ADCY7: variants seen among roughly 807,000 people sequenced by gnomAD.
The protein encoded by ADCY7 is adenylate cyclase 7.
ADCY7 carries 72 observed loss-of-function variants against 120.6 expected under a neutral mutation model. That is an observed-to-expected ratio of 0.60 (90% CI 0.49 to 0.73). The LOEUF (loss-of-function observed/expected upper bound fraction) is 0.73. Ranked by LOEUF, ADCY7 falls within the 30% of genes least tolerant of loss-of-function variation. ADCY7 has a pLI of 0.00. For missense variants in ADCY7, 1,227 were observed against 1,486.0 expected (o/e 0.83, Z 2.87); for synonymous variants, 661 against 628.0 (o/e 1.05, Z -0.78).
chr16:50,310,835 G>T lies in ADCY7; in HGVS notation c.2309G>T (p.Cys770Phe), dbSNP rs759479763. ...TCCCCATGCTGGCAGTGGGACTGCT[G>T]CGGCCAAGGCCTGGGCAACCTCACC... is the stretch of plus-strand genomic sequence containing the variant. ...NLSPCWQWDC[C>F]GQGLGNLTKP... The change falls in exon 19 of 26, where the codon TGC becomes TTC. Residue 770 changes from cysteine (C) to phenylalanine (F), a missense_variant. By Grantham distance (205) the Cys-to-Phe change is radical. Coordinates refer to ENST00000673801, the MANE Select transcript of ADCY7 (RefSeq NM_001114.5). 4 of 1,613,216 alleles carry T rather than the reference G, an allele frequency of 2.5e-6. No homozygotes were observed. The highest frequency in any genetic ancestry group is 2.2e-5 in the South Asian group (2 of 90,924).
intron 22 of ADCY7, chr16:50,313,432 CAACA>C: frequency 1.8e-5 from 3 of 164,700 alleles, no homozygotes; most frequent in Non-Finnish European, 3.8e-5. Flanking sequence ...ACAACAACAA[CAACA>C]AAAAAAAAAC....
intron 19 of ADCY7, 57 bp from the exon 20 acceptor site, chr16:50,311,636 C>A: frequency 1.6e-6 from 2 of 1,253,412 alleles, no homozygotes; most frequent in Non-Finnish European, 2.3e-6. Flanking sequence ...GAGAGCATGA[C>A]TCAGTGGGTT....
chr16:50,311,037 T>G (rs2036425415), intron 19 of ADCY7, among the ~76,000 whole-genome samples, 157 bp downstream of exon 19: 1 of 152,202 alleles, frequency 6.6e-6, no homozygotes, highest in Admixed American at 6.5e-5. Context: ...AGGAATTCAC[T>G]GGCAGGTTCT....
rs1217751708 is a variant in ADCY7, at chr16:50,304,362, C to A, written c.1371C>A (p.Ser457Arg). ...IRTYLVIDPRSQQPPPPSQHL... is the reference protein window; with the variant it reads ...IRTYLVIDPRRQQPPPPSQHL... ...CCCATGTCCATGTCTGCCCGCAGAG[C>A]CAGCAGCCACCCCCGCCCAGCCAAC... The change falls in exon 11 of 26, where the codon AGC (serine) becomes AGA (arginine). Residue 457 changes from serine to arginine, a missense_variant and splice_region_variant. By Grantham distance (110) the Ser-to-Arg change is moderately radical (BLOSUM62 -1). Coordinates refer to ENST00000673801, the MANE Select transcript of ADCY7 (RefSeq NM_001114.5). The A allele has an allele frequency of 6.6e-7, 1 of 1,515,838 alleles. No individual in the cohort carries two copies. Among genetic ancestry groups the A allele is most frequent in the Non-Finnish European group, 8.9e-7 (1 of 1,129,520 alleles). The allele number at this position is 1,515,838 out of a possible 1,614,324, so 93.9% of individuals were successfully genotyped here.
intron 2 of ADCY7, 105 bp from the exon 3 acceptor site, chr16:50,290,352 C>A: frequency 1.6e-6 from 2 of 1,260,534 alleles, no homozygotes; most frequent in Non-Finnish European, 2.2e-6. Flanking sequence ...ACACCCTTCA[C>A]GTGGAGGAAG....
intron 1 of ADCY7, among the ~76,000 whole-genome samples, chr16:50,268,357 G>A (rs1163401422): frequency 2.0e-5 from 3 of 151,938 alleles, no homozygotes; most frequent in African/African-American, 4.8e-5. Context: ...CATCCACCTC[G>A]ACCTCCCAAA....
intron 1 of ADCY7, among the ~76,000 whole-genome samples, chr16:50,278,272 C>T (rs535943491): frequency 6.6e-6 from 1 of 152,254 alleles, no homozygotes; most frequent in South Asian, 2.1e-4. Flanking sequence ...AACTCCTGGC[C>T]TCATGTGATC....
intron 19 of ADCY7, 46 bp downstream of exon 19, chr16:50,310,926 C>T (rs1355475999): frequency 1.3e-6 from 2 of 1,514,868 alleles, no homozygotes; most frequent in East Asian, 2.4e-5. Context: ...GTGGCCTGTT[C>T]ATCTGGTGCC....
At chr16:50,314,175 T>C (rs1040044209) in intron 23 of ADCY7, 113 bp downstream of exon 23, 21 of 1,411,752 alleles carry the variant, frequency 1.5e-5, no homozygotes, top group Non-Finnish European at 1.7e-5. Flanking sequence ...CACAGGTACT[T>C]GTAGGGCTCA....
chr16:50,290,922 G>C (rs2034911236), intron 3 of ADCY7, among the ~76,000 whole-genome samples: 1 of 152,218 alleles, frequency 6.6e-6, no homozygotes, highest in Non-Finnish European at 1.5e-5. Context: ...AGGCAAAAAG[G>C]CACAAACTGG....
At position 50,309,522 on chromosome 16, in the gene ADCY7, C is replaced by T. The variant is rs763549422; in HGVS notation, c.2062-26C>T. The T allele has an allele frequency of 7.5e-6, 12 of 1,603,638 alleles. No homozygotes were observed. In the Admixed American group the frequency reaches 1.3e-4, roughly 18 times the overall value. On this transcript the variant is annotated intron_variant, in intron 17 of 25. Coordinates refer to ENST00000673801, the MANE Select transcript of ADCY7 (RefSeq NM_001114.5). ...AGGTTCCAGCGTTCTTGTCCCTGGA[C>T]TGATGGGGACCTGTCTCCTCTACAG... is the stretch of plus-strand genomic sequence containing the variant.
chr16:50,251,566 A>G (rs1400894536), intron 1 of ADCY7, among the ~76,000 whole-genome samples: 2 of 152,246 alleles, frequency 1.3e-5, no homozygotes, highest in Non-Finnish European at 2.9e-5. Flanking sequence ...TTTTGAATTA[A>G]TCATCAACAT....
At chr16:50,259,464 T>C (rs1414886190) in intron 1 of ADCY7, among the ~76,000 whole-genome samples, 1 of 152,182 alleles carries the variant, frequency 6.6e-6, no homozygotes, top group Non-Finnish European at 1.5e-5. Context: ...GGCGGTTGCT[T>C]TCACATCTGT....
upstream of ADCY7, among the ~76,000 whole-genome samples, chr16:50,245,869 G>A (rs1395978399): frequency 1.3e-5 from 2 of 151,904 alleles, no homozygotes; most frequent in Admixed American, 1.3e-4. Flanking sequence ...AGGTCCTGCT[G>A]GGACGCCTTT....
chr16:50,259,959 C>T (rs4238815), intron 1 of ADCY7, among the ~76,000 whole-genome samples: 141,491 of 152,214 alleles, frequency 0.93, 66,629 homozygotes, highest in East Asian at 1. Flanking sequence ...TGGAATGTTC[C>T]CCGCCTCCCA....
rs1470562461 is a variant in ADCY7, at chr16:50,291,725, T to G, written c.376-11T>G. 5.6e-6 allele frequency: 9 copies of G among 1,613,874 alleles called. No homozygotes were observed. The highest frequency in any genetic ancestry group is 7.6e-6 in the Non-Finnish European group (9 of 1,179,978). ...TCTTGGGGCACCGGGCTCACCAGGCTGCATCCACAGGTGCCCTTCTTCCTG... is the reference window on the plus strand; with the variant it reads ...TCTTGGGGCACCGGGCTCACCAGGCGGCATCCACAGGTGCCCTTCTTCCTG... On this transcript the variant is annotated splice_polypyrimidine_tract_variant and intron_variant, in intron 3 of 25. Transcript: ENST00000673801.
chr16:50,281,735 C>T (rs997157810), intron 1 of ADCY7, among the ~76,000 whole-genome samples: 3 of 152,122 alleles, frequency 2.0e-5, no homozygotes, highest in Non-Finnish European at 4.4e-5. Flanking sequence ...GAGGGCTGGG[C>T]TTGGGGGGAT....
At chr16:50,246,875 T>A (rs2032606068) in intron 1 of ADCY7, among the ~76,000 whole-genome samples, 2 of 152,182 alleles carry the variant, frequency 1.3e-5, no homozygotes, top group South Asian at 4.1e-4. Flanking sequence ...CTGGTTTATG[T>A]CTCAGGTCCC....
intron 17 of ADCY7, chr16:50,309,050 A>G: frequency 2.4e-6 from 1 of 422,742 alleles, no homozygotes; most frequent in Non-Finnish European, 4.2e-6. Flanking sequence ...CTGACATCCC[A>G]TTCATTCTTC....
Sources: gnomAD v4.1 joint callset for allele counts (sites outside exome capture counted in the v4.1 genomes callset) on GRCh38, gnomAD v4.1.1 for gene constraint, MANE v1.5 for transcripts, NCBI Gene and HGNC (gene_info 2026-07-23, HGNC 2026-07-21) for gene names.